VAV2: variants seen among roughly 807,000 people sequenced by gnomAD.
The protein encoded by VAV2 is vav guanine nucleotide exchange factor 2.
In VAV2, 67 loss-of-function variants were observed where a neutral mutation model predicts 132.5. The ratio of observed to expected loss-of-function variants is 0.51; its 90% CI spans 0.42 to 0.62. The LOEUF is 0.62. VAV2 is among the 20% of genes least tolerant of loss of function. VAV2 has a pLI of 0.00. For missense variants in VAV2, 938 were observed against 1,153.6 expected (o/e 0.81, Z 2.71); for synonymous variants, 492 against 443.5 (o/e 1.11, Z -1.37).
chr9:133,956,992 G>A (rs1841803857), intron 1 of VAV2, among the ~76,000 whole-genome samples: 1 of 152,166 alleles, frequency 6.6e-6, no homozygotes. Context: ...GCAGACTGCA[G>A]CACCCACCCA....
Position 133,840,182 on chromosome 9 carries a change from T to C in VAV2, c.381-5842A>G, listed in dbSNP as rs1836662777. On this transcript the variant is annotated intron_variant, in intron 3 of 29. Coordinates refer to ENST00000371850, the MANE Select transcript of VAV2 (RefSeq NM_001134398.2). The surrounding 1 kb of genome is among the most constrained non-coding windows in gnomAD (Gnocchi z 4.5). The stretch of plus-strand genomic sequence containing the variant: ...GTCATCCTGGCTCCCCAGGGGCGGC[T>C]GCATCCCTCTCCTCCCACCAGAGCC... Among the ~76,000 whole-genome samples the C allele has an allele frequency of 6.6e-6, 1 of 152,202 alleles. No individual in the cohort carries two copies. The highest frequency in any genetic ancestry group is 1.5e-5 in the Non-Finnish European group (1 of 68,032).
chr9:133,796,392 T>G (rs1375252881), intron 11 of VAV2, 37 bp downstream of exon 11: 1 of 1,588,186 alleles, frequency 6.3e-7, no homozygotes, highest in Non-Finnish European at 8.6e-7. Context: ...ACTCCAGCAG[T>G]GATGACCCCG....
Position 133,978,611 on chromosome 9 carries a change from T to C in VAV2, c.204+13464A>G, listed in dbSNP as rs763338107. 2.0e-5 allele frequency among the ~76,000 whole-genome samples: 3 copies of C among 152,204 alleles called. No homozygotes were observed. In the South Asian group the frequency reaches 6.2e-4, roughly 31 times the overall value. On this transcript the variant is annotated intron_variant, in intron 1 of 29. Coordinates refer to ENST00000371850, the MANE Select transcript of VAV2 (RefSeq NM_001134398.2). ...GGAGTAGGTCTGTGAGAATGATTTG[T>C]CTTCATCCTTACACAAACTCTGTAA...
chr9:133,975,213 C>T (rs575945897), intron 1 of VAV2, among the ~76,000 whole-genome samples: 4 of 152,214 alleles, frequency 2.6e-5, no homozygotes, highest in Non-Finnish European at 4.4e-5. Flanking sequence ...CCGGCACCCC[C>T]GCCATGTCCA....
rs1240320342 is a variant in VAV2, at chr9:133,928,781, T to A, written c.321+10322A>T. Among the ~76,000 whole-genome samples, 1 of 152,094 alleles carries A rather than the reference T, an allele frequency of 6.6e-6. No homozygotes were observed. The highest frequency in any genetic ancestry group is 2.4e-5 in the African/African-American group (1 of 41,390). ...ATGTAAAATGGAGAAATCAATGACA[T>A]GGCTGAGACGGCATCTGGATACACT... On this transcript the variant is annotated intron_variant, in intron 2 of 29. Coordinates refer to ENST00000371850, the MANE Select transcript of VAV2 (RefSeq NM_001134398.2). This position sits in a 1 kb window ranked among gnomAD's most constrained non-coding sequence, Gnocchi z 5.4.
intron 2 of VAV2, among the ~76,000 whole-genome samples, chr9:133,936,306 G>A (rs1377413899): frequency 6.7e-6 from 1 of 148,542 alleles, no homozygotes; most frequent in East Asian, 2.0e-4. Context: ...GCAGTGGCGT[G>A]ATCTCTGCTC....
chr9:133,901,142 C>A (rs537223079), intron 2 of VAV2, among the ~76,000 whole-genome samples: 1 of 152,256 alleles, frequency 6.6e-6, no homozygotes, highest in South Asian at 2.1e-4. Flanking sequence ...GGGCCAAGGG[C>A]CTTAGCCCCA....
At chr9:133,913,316 G>C (rs998779422) in intron 2 of VAV2, among the ~76,000 whole-genome samples, 6 of 152,182 alleles carry the variant, frequency 3.9e-5, no homozygotes, top group African/African-American at 1.2e-4. Flanking sequence ...ACACACGAAA[G>C]GTAAGACAGG....
intron 1 of VAV2, among the ~76,000 whole-genome samples, chr9:133,985,291 G>GT (rs1351202778): frequency 6.9e-6 from 1 of 145,670 alleles, no homozygotes; most frequent in Non-Finnish European, 1.5e-5. Context: ...TTTTGTTTTT[G>GT]TTTTTTCTGA....
chr9:133,882,378 G>A (rs549085402), intron 2 of VAV2, among the ~76,000 whole-genome samples: 4 of 152,296 alleles, frequency 2.6e-5, no homozygotes, highest in Admixed American at 6.5e-5. Context: ...ACATCTGTAC[G>A]GGGCTGGAGA....
At chr9:133,938,087 G>A (rs1215506693) in intron 2 of VAV2, among the ~76,000 whole-genome samples, 1 of 152,202 alleles carries the variant, frequency 6.6e-6, no homozygotes, top group East Asian at 1.9e-4. Flanking sequence ...AATTCCCTCT[G>A]CGCCTCACAA....
At chr9:133,965,490 C>T (rs1842113358) in intron 1 of VAV2, among the ~76,000 whole-genome samples, 1 of 91,046 alleles carries the variant, frequency 1.1e-5, no homozygotes, top group Non-Finnish European at 2.2e-5. Context: ...CAGAGCGAGA[C>T]TGTCAAAAAA....
intron 2 of VAV2, among the ~76,000 whole-genome samples, chr9:133,910,997 A>G (rs1410411449): frequency 3.3e-5 from 5 of 152,050 alleles, no homozygotes; most frequent in Non-Finnish European, 7.4e-5. Context: ...AGAGCCAGAG[A>G]TGAAGCTACA....
At chr9:133,888,110 C>T (rs1838785285) in intron 2 of VAV2, among the ~76,000 whole-genome samples, 1 of 152,146 alleles carries the variant, frequency 6.6e-6, no homozygotes, top group Non-Finnish European at 1.5e-5. Flanking sequence ...ACGGGACTCC[C>T]TACAGGAGGT....
At chr9:133,842,900 C>T (rs1358187391) in intron 3 of VAV2, among the ~76,000 whole-genome samples, 1 of 152,206 alleles carries the variant, frequency 6.6e-6, no homozygotes, top group South Asian at 2.1e-4. Context: ...CATCAGGAAG[C>T]GCAGCGTGGA....
At chr9:133,786,456 G>T (rs1436078578) in intron 16 of VAV2, among the ~76,000 whole-genome samples, 3 of 152,216 alleles carry the variant, frequency 2.0e-5, no homozygotes, top group African/African-American at 7.2e-5. Flanking sequence ...GTGCGAGGAT[G>T]CTCCACCGAG....
chr9:133,980,953 CCTCCTCCGGGAAG>C (rs1323953916), intron 1 of VAV2, among the ~76,000 whole-genome samples: 5 of 150,946 alleles, frequency 3.3e-5, no homozygotes, highest in Non-Finnish European at 7.4e-5. Flanking sequence ...TCAAGTACCA[CCTCCTCCGGGAAG>C]CTCTCCGCCA....
chr9:133,879,469 A>T lies in VAV2; in HGVS notation c.322-18037T>A, dbSNP rs138094605. On this transcript the variant is annotated intron_variant, in intron 2 of 29. Transcript: ENST00000371850. The surrounding 1 kb of genome is among the most constrained non-coding windows in gnomAD (Gnocchi z 4.4). ...TCACCTTGAGGCCTGCAGGATGGAC[A>T]AGTGTGTGTCAGAGGCTCACCATAA... Among the ~76,000 whole-genome samples the T allele has an allele frequency of 0.013, 2,019 of 152,214 alleles. 30 individuals carry two copies. The highest frequency in any genetic ancestry group is 0.024 in the Middle Eastern group (7 of 294).
chr9:133,807,203 A>G (rs1055160097), intron 8 of VAV2, 55 bp downstream of exon 8: 4 of 1,571,664 alleles, frequency 2.5e-6, no homozygotes, highest in Non-Finnish European at 3.5e-6. Flanking sequence ...ATGTGTGGCC[A>G]GTGCCGAGTT....
Sources: gnomAD v4.1 joint callset for allele counts (sites outside exome capture counted in the v4.1 genomes callset) on GRCh38, gnomAD v4.1.1 for gene constraint, Gnocchi (gnomAD v3.1) non-coding constraint, MANE v1.5 for transcripts, NCBI Gene and HGNC (gene_info 2026-07-23, HGNC 2026-07-21) for gene names.